KDM5B: variants seen among roughly 807,000 people sequenced by gnomAD.
The protein encoded by KDM5B is lysine demethylase 5B.
A neutral mutation model predicts 193.4 loss-of-function variants in KDM5B; 144 were observed. The ratio of observed to expected loss-of-function variants is 0.74; its 90% CI spans 0.65 to 0.86. KDM5B has a LOEUF of 0.86. Among genes scored for constraint, KDM5B ranks in the 40% least tolerant of loss-of-function variants. The pLI is 0.00. For synonymous variants in KDM5B, 668 were observed against 682.6 expected (o/e 0.98, Z 0.33); for missense variants, 1,833 against 1,886.9 (o/e 0.97, Z 0.53).
At chr1:202,730,321 G>A (rs1200165061) in intron 25 of KDM5B, among the ~76,000 whole-genome samples, 2 of 152,146 alleles carry the variant, frequency 1.3e-5, no homozygotes, top group Non-Finnish European at 2.9e-5. Flanking sequence ...ATGGAGAGGT[G>A]CCCACTAAGA....
chr1:202,730,322 C>A (rs1315617788), intron 25 of KDM5B, among the ~76,000 whole-genome samples: 1 of 152,142 alleles, frequency 6.6e-6, no homozygotes, highest in African/African-American at 2.4e-5. Flanking sequence ...TGGAGAGGTG[C>A]CCACTAAGAG....
At chr1:202,750,879 C>G in intron 12 of KDM5B, 101 bp from the exon 13 acceptor site, 4 of 1,269,232 alleles carry the variant, frequency 3.2e-6, no homozygotes, top group Non-Finnish European at 4.4e-6. Flanking sequence ...CAAAAAAAGG[C>G]AGCTTTCTGA....
intron 1 of KDM5B, among the ~76,000 whole-genome samples, chr1:202,781,192 A>G (rs966622216): frequency 2.0e-5 from 3 of 152,164 alleles, no homozygotes; most frequent in African/African-American, 7.2e-5. Context: ...CTACCTACTC[A>G]GGAGGCTAAG....
intron 1 of KDM5B, among the ~76,000 whole-genome samples, chr1:202,790,235 C>A (rs1316435328): frequency 1.3e-5 from 2 of 150,942 alleles, no homozygotes; most frequent in African/African-American, 4.9e-5. Flanking sequence ...TGCACCCAAG[C>A]CTTGGCAACA....
At position 202,733,576 on chromosome 1, in the gene KDM5B, C is replaced by G; in HGVS notation, c.3734G>C (p.Arg1245Pro). 1 of 1,614,092 alleles carries G rather than the reference C, an allele frequency of 6.2e-7. No individual in the cohort carries two copies. Among genetic ancestry groups the G allele is most frequent in the Non-Finnish European group, 8.5e-7 (1 of 1,180,008 alleles). Reference protein sequence around the residue: ...LLASLQRIRVRLPEGDALRYM... With the variant: ...LLASLQRIRVPLPEGDALRYM... The stretch of plus-strand genomic sequence containing the variant: ...TCGAAGTGCATCTCCCTCAGGAAGG[C>G]GAACTCGGATACGCTGAAGGGAGGC... Residue 1245 changes from arginine (R) to proline (P), a missense_variant, in exon 23 of 27, where the codon CGC becomes CCC. Coordinates refer to ENST00000367265, the MANE Select transcript of KDM5B (RefSeq NM_006618.5).
intron 5 of KDM5B, among the ~76,000 whole-genome samples, chr1:202,765,363 T>C (rs1261828905): frequency 6.6e-6 from 1 of 152,250 alleles, no homozygotes; most frequent in African/African-American, 2.4e-5. Context: ...AAAACCATTT[T>C]TTGTGGTAAT....
Position 202,733,533 on chromosome 1 carries a change from G to C in KDM5B, c.3777C>G (p.Thr1259=). Residue 1259 remains threonine (T), a synonymous_variant, in exon 23 of 27, where the codon ACC becomes ACG. Transcript: ENST00000367265. ...GDALRYMIER[T]VNWQHRAQQL... is the part of the protein sequence containing the mutation. ...GCTGGGCTCTGTGCTGCCAGTTCAC[G>C]GTTCTTTCAATCATATATCGAAGTG... The C allele has an allele frequency of 4.3e-6, 7 of 1,614,092 alleles. No homozygotes were observed. The highest frequency in any genetic ancestry group is 5.9e-6 in the Non-Finnish European group (7 of 1,180,016).
At chr1:202,767,490 C>T (rs781364608) in intron 4 of KDM5B, 5 of 864,944 alleles carry the variant, frequency 5.8e-6, no homozygotes, top group African/African-American at 5.0e-5. Context: ...CTCACCAAGA[C>T]CTTTTTTTCA....
At chr1:202,774,887 A>C (rs551914200) in intron 2 of KDM5B, 152 bp from the exon 3 acceptor site, 3 of 653,932 alleles carry the variant, frequency 4.6e-6, no homozygotes, top group Non-Finnish European at 7.9e-6. Context: ...ATCATATAAT[A>C]CCACTTTCTA....
Position 202,750,782 on chromosome 1 carries a change from A to C in KDM5B, c.1702-4T>G. ...CACACTGATTAGTTCGGTAAACCTA[A>C]AGAGACAGAAATTGAAGATTTTTGA... On this transcript the variant is annotated splice_region_variant and splice_polypyrimidine_tract_variant and intron_variant, in intron 12 of 26. Coordinates refer to ENST00000367265, the MANE Select transcript of KDM5B (RefSeq NM_006618.5). 2 of 1,611,276 alleles carry C rather than the reference A, an allele frequency of 1.2e-6. No individual in the cohort carries two copies. The highest frequency in any genetic ancestry group is 2.7e-5 in the African/African-American group (2 of 74,868).
At chr1:202,769,487 T>C (rs978040039) in intron 4 of KDM5B, among the ~76,000 whole-genome samples, 3 of 151,136 alleles carry the variant, frequency 2.0e-5, no homozygotes, top group Admixed American at 1.3e-4. Context: ...TTGGCCAACA[T>C]ACTGAAACCC....
chr1:202,740,940 T>A, intron 19 of KDM5B, 128 bp from the exon 20 acceptor site: 1 of 892,842 alleles, frequency 1.1e-6, no homozygotes, highest in Non-Finnish European at 1.7e-6. Flanking sequence ...TGACATTGTC[T>A]ATTCCTGTTG....
chr1:202,805,118 T>C (rs1044740060), intron 1 of KDM5B, among the ~76,000 whole-genome samples: 2 of 152,136 alleles, frequency 1.3e-5, no homozygotes, highest in African/African-American at 4.8e-5. Context: ...TACAGTATCA[T>C]GGAGGAAATT....
chr1:202,800,190 G>A (rs1658016508), intron 1 of KDM5B, among the ~76,000 whole-genome samples: 1 of 151,890 alleles, frequency 6.6e-6, no homozygotes. Flanking sequence ...GACTACAGGT[G>A]CGTACCACCA....
intron 22 of KDM5B, 70 bp downstream of exon 22, chr1:202,735,359 A>G (rs1170677962): frequency 2.0e-6 from 3 of 1,502,434 alleles, no homozygotes; most frequent in East Asian, 2.3e-5. Context: ...CCAAATTCCT[A>G]TAAAACAGAA....
intron 20 of KDM5B, among the ~76,000 whole-genome samples, chr1:202,740,414 C>A (rs1655279256): frequency 8.1e-6 from 1 of 123,778 alleles, no homozygotes; most frequent in Admixed American, 8.2e-5. Flanking sequence ...GGGTCTGACC[C>A]CCCCACCTCC....
At chr1:202,729,252 T>A in intron 26 of KDM5B, 79 bp from the exon 27 acceptor site, 1 of 1,535,104 alleles carries the variant, frequency 6.5e-7, no homozygotes, top group Non-Finnish European at 8.9e-7. Context: ...CTCAAGAAAT[T>A]CAGGCCGTTT....
Position 202,731,009 on chromosome 1 carries a change from G to A in KDM5B, c.4076C>T (p.Ser1359Phe). The change falls in exon 25 of 27, where the codon TCC becomes TTC. Residue 1359 changes from serine to phenylalanine, a missense_variant. Transcript: ENST00000367265. ...GTAAAGTTCCTGAATTTCAGGAAGG[G>A]ATACCTGGAGCAGCTGGGCTTCCAT... ...LLMEAQLLQV[S>F]LPEIQELYQT... is the part of the protein sequence containing the mutation. The A allele has an allele frequency of 6.2e-7, 1 of 1,613,710 alleles. No individual in the cohort carries two copies. Among genetic ancestry groups the A allele is most frequent in the Non-Finnish European group, 8.5e-7 (1 of 1,179,722 alleles).
intron 11 of KDM5B, among the ~76,000 whole-genome samples, chr1:202,754,713 C>T (rs1374458620): frequency 2.6e-5 from 4 of 152,214 alleles, no homozygotes; most frequent in African/African-American, 4.8e-5. Context: ...GGCAGAGTTT[C>T]GCTCTGTTGC....
Sources: gnomAD v4.1 joint callset for allele counts (sites outside exome capture counted in the v4.1 genomes callset) on GRCh38, gnomAD v4.1.1 for gene constraint, MANE v1.5 for transcripts, NCBI Gene and HGNC (gene_info 2026-07-23, HGNC 2026-07-21) for gene names.